CACNB4: variants seen among roughly 807,000 people sequenced by gnomAD.
CACNB4 encodes the protein calcium voltage-gated channel auxiliary subunit beta 4.
CACNB4 carries 32 observed loss-of-function variants against 71.2 expected under a neutral mutation model. The ratio of observed to expected loss-of-function variants is 0.45; its 90% CI spans 0.34 to 0.60. The LOEUF is 0.60. Ranked by LOEUF, CACNB4 falls within the 20% of genes least tolerant of loss-of-function variation. The probability of loss-of-function intolerance (pLI) is 0.01; values close to 1 mark genes in which losing one functional copy is unlikely to be tolerated. For synonymous variants in CACNB4, 231 were observed against 236.9 expected, an observed-to-expected ratio of 0.97 and a Z score of 0.23; for missense variants, 464 against 647.9, an observed-to-expected ratio of 0.72 and a Z score of 3.08.
Position 151,839,044 on chromosome 2 carries a change from A to T in CACNB4, c.*75T>A. The stretch of plus-strand genomic sequence containing the variant: ...AGTAAATACTGTGCTATGTTAGCCA[A>T]GTTAAGATGATTGGTTTATCCTAGC... On this transcript the variant is annotated 3_prime_UTR_variant, in exon 14 of 14. Transcript: ENST00000539935. 7.4e-7 allele frequency: 1 copy of T among 1,352,576 alleles called. No individual in the cohort carries two copies. The highest frequency in any genetic ancestry group is 1.0e-6 in the Non-Finnish European group (1 of 975,086). The allele number at this position is 1,352,576 out of a possible 1,614,324, so 83.8% of individuals were successfully genotyped here.
chr2:152,009,172 C>G (rs1278260268), intron 2 of CACNB4, among the ~76,000 whole-genome samples: 2 of 136,282 alleles, frequency 1.5e-5, no homozygotes, highest in African/African-American at 5.6e-5. Context: ...GCCTGGGAAA[C>G]AGTGAGACCC....
chr2:151,971,730 G>A (rs2151731135), intron 2 of CACNB4: 1 of 646,766 alleles, frequency 1.5e-6, no homozygotes, highest in Non-Finnish European at 2.8e-6. Context: ...AAACTCAAAT[G>A]AGCATTCAGA....
At chr2:151,999,183 C>T (rs1560120374) in intron 2 of CACNB4, among the ~76,000 whole-genome samples, 1 of 152,118 alleles carries the variant, frequency 6.6e-6, no homozygotes, top group Non-Finnish European at 1.5e-5. Flanking sequence ...CACTAGATGG[C>T]GCAGGTGGTG....
At chr2:151,975,169 TG>T (rs1415262731) in intron 2 of CACNB4, among the ~76,000 whole-genome samples, 1 of 152,222 alleles carries the variant, frequency 6.6e-6, no homozygotes, top group Non-Finnish European at 1.5e-5. Context: ...CTTTGTCAGC[TG>T]GAAGGCACTG....
Position 152,001,526 on chromosome 2 carries a change from T to TAAAAAAAAAAA in CACNB4, c.147+96793_147+96803dup, listed in dbSNP as rs70974816. Among the ~76,000 whole-genome samples, 89 of 35,490 alleles carry TAAAAAAAAAAA rather than the reference T, an allele frequency of 2.5e-3. 2 individuals carry two copies. Among genetic ancestry groups the TAAAAAAAAAAA allele is most frequent in the South Asian group, 4.6e-3 (2 of 434 alleles). 23.3% of individuals were successfully genotyped at this position (35,490 alleles called of 152,430 possible). A position where few individuals can be genotyped will look rare whatever the true frequency, so the allele number is the denominator to read the frequency against. ...CAACATGGTGAAACCCCATCTCTAC[T>TAAAAAAAAAAA]AAAAAAAAAAAAAAAAAAAAAAAAA... On this transcript the variant is annotated intron_variant, in intron 2 of 13. Coordinates refer to ENST00000539935, the MANE Select transcript of CACNB4 (RefSeq NM_000726.5).
intron 2 of CACNB4, among the ~76,000 whole-genome samples, chr2:152,041,215 T>C (rs1044565588): frequency 1.3e-5 from 2 of 152,222 alleles, no homozygotes; most frequent in Non-Finnish European, 2.9e-5. Context: ...CATTTGCTAA[T>C]CCCAAAGTAT....
rs551805454 is a variant in CACNB4 at position 151,871,172 on chromosome 2, C to A, written c.599-311G>T. ...GGCCAGCCAATCACCATGGGTTGTT[C>A]CCGTGCTGGACACAGCACAGTGTTG... On this transcript the variant is annotated intron_variant, in intron 6 of 13. Coordinates refer to ENST00000539935, the MANE Select transcript of CACNB4 (RefSeq NM_000726.5). 3.2e-4 allele frequency: 132 copies of A among 409,930 alleles called. No homozygotes were observed. The South Asian group carries it at 3.3e-3, about 10-fold the overall frequency. The allele number at this position is 409,930 out of a possible 1,614,324, so 25.4% of individuals were successfully genotyped here. A position where few individuals can be genotyped will look rare whatever the true frequency, so the allele number is the denominator to read the frequency against.
At chr2:152,067,954 G>A (rs184790221) in intron 2 of CACNB4, among the ~76,000 whole-genome samples, 114 of 152,248 alleles carry the variant, frequency 7.5e-4, no homozygotes, top group South Asian at 4.1e-4. Flanking sequence ...ATATGTTTAG[G>A]TGCATTAACT....
intron 2 of CACNB4, among the ~76,000 whole-genome samples, chr2:152,042,839 C>A (rs139196248): frequency 3.9e-5 from 6 of 151,968 alleles, no homozygotes. Flanking sequence ...GACAGGAGGT[C>A]GGCACAAGAT....
intron 2 of CACNB4, among the ~76,000 whole-genome samples, chr2:152,049,098 C>T (rs1014796986): frequency 1.3e-5 from 2 of 152,010 alleles, no homozygotes; most frequent in African/African-American, 4.8e-5. Flanking sequence ...TATCTTTACC[C>T]ATCATAACTT....
chr2:151,957,257 C>T (rs1310122854), intron 2 of CACNB4, among the ~76,000 whole-genome samples: 6 of 131,870 alleles, frequency 4.5e-5, no homozygotes, highest in East Asian at 2.2e-4. Context: ...AGTGGCTGGG[C>T]GTGTGTGTGT....
intron 2 of CACNB4, among the ~76,000 whole-genome samples, chr2:152,050,686 G>A (rs1437793560): frequency 6.6e-6 from 1 of 151,884 alleles, no homozygotes; most frequent in South Asian, 2.1e-4. Flanking sequence ...ATTGCACTCC[G>A]GCCTGTGTGA....
At chr2:151,905,530 C>T (rs1342233282) in intron 2 of CACNB4, among the ~76,000 whole-genome samples, 2 of 152,174 alleles carry the variant, frequency 1.3e-5, no homozygotes, top group Non-Finnish European at 2.9e-5. Context: ...ATTCAGAGAC[C>T]TACAAAAATA....
intron 10 of CACNB4, chr2:151,858,965 T>C (rs2099840971): frequency 6.6e-6 from 1 of 152,224 alleles, no homozygotes; most frequent in South Asian, 2.1e-4. Context: ...TTCTGTCTCT[T>C]TGCCCATGGG....
intron 2 of CACNB4, among the ~76,000 whole-genome samples, chr2:152,042,454 G>A (rs1684925229): frequency 6.6e-6 from 1 of 152,134 alleles, no homozygotes. Flanking sequence ...GAGGATCCCT[G>A]AGTGAGTCCT....
intron 2 of CACNB4, among the ~76,000 whole-genome samples, chr2:152,002,823 G>T (rs1458282422): frequency 6.6e-6 from 1 of 152,206 alleles, no homozygotes; most frequent in Non-Finnish European, 1.5e-5. Flanking sequence ...GGACTCAAAA[G>T]GAAGCATCTG....
In CACNB4 at chr2:151,974,038, T is replaced by C. The variant is rs1024738613; in HGVS notation, c.148-90668A>G. On this transcript the variant is annotated intron_variant, in intron 2 of 13. Coordinates refer to ENST00000539935, the MANE Select transcript of CACNB4 (RefSeq NM_000726.5). Reference sequence around the variant, plus strand: ...CCCTGCTTCAGTCAGCTGAAGAGCGTTCCCTCGGAGAGTGGAGGGCGCCTC... The same window carrying C: ...CCCTGCTTCAGTCAGCTGAAGAGCGCTCCCTCGGAGAGTGGAGGGCGCCTC... 8 of 1,034,826 alleles carry C rather than the reference T, an allele frequency of 7.7e-6. No homozygotes were observed. The African/African-American group carries it at 1.3e-4, about 17-fold the overall frequency. The allele number at this position is 1,034,826 out of a possible 1,614,324, so 64.1% of individuals were successfully genotyped here. A position where few individuals can be genotyped will look rare whatever the true frequency, so the allele number is the denominator to read the frequency against.
At chr2:152,017,868 T>C (rs897789566) in intron 2 of CACNB4, among the ~76,000 whole-genome samples, 6 of 152,014 alleles carry the variant, frequency 3.9e-5, no homozygotes, top group African/African-American at 1.2e-4. Flanking sequence ...AATTTCGCTC[T>C]TTTGCCCAGG....
At chr2:151,953,992 C>T (rs1189348426) in intron 2 of CACNB4, among the ~76,000 whole-genome samples, 1 of 152,212 alleles carries the variant, frequency 6.6e-6, no homozygotes, top group Non-Finnish European at 1.5e-5. Flanking sequence ...AATATGTCAA[C>T]ATATCTTCAC....
Sources: allele counts gnomAD v4.1 joint callset (sites outside exome capture counted in the v4.1 genomes callset), GRCh38; gene constraint gnomAD v4.1.1; transcripts MANE v1.5; gene names NCBI Gene and HGNC (gene_info 2026-07-23, HGNC 2026-07-21).